Variants in DUSP29 observed in about 807,000 individuals in gnomAD.
DUSP29 encodes dual specificity phosphatase 29, also known as atypical dual-specific protein phosphatase.
A neutral mutation model predicts 13.5 loss-of-function variants in DUSP29; 12 were observed. The ratio of observed to expected loss-of-function variants is 0.89; its 90% CI spans 0.57 to 1.44. The LOEUF (loss-of-function observed/expected upper bound fraction) is 1.44. Among genes scored for constraint, DUSP29 ranks in the 40% most tolerant of loss-of-function variants. DUSP29 has a pLI of 0.00. For synonymous variants in DUSP29, 134 were observed against 128.7 expected (o/e 1.04, Z -0.28); for missense variants, 308 against 301.1 (o/e 1.02, Z -0.17).
chr10:75,066,739 G>A (rs1371958847), intron 1 of DUSP29, among the ~76,000 whole-genome samples: 1 of 152,180 alleles, frequency 6.6e-6, no homozygotes, highest in African/African-American at 2.4e-5. Flanking sequence ...GTCTGACCCT[G>A]CTCCTTACAT....
intron 3 of DUSP29, among the ~76,000 whole-genome samples, chr10:75,039,915 C>T (rs371625817): frequency 6.6e-6 from 1 of 152,146 alleles, no homozygotes; most frequent in Admixed American, 6.5e-5. Context: ...CGTGGTGGCT[C>T]ATGCCTCTAA....
At chr10:75,045,873 G>A (rs1459652696) in intron 2 of DUSP29, among the ~76,000 whole-genome samples, 1 of 152,158 alleles carries the variant, frequency 6.6e-6, no homozygotes, top group Non-Finnish European at 1.5e-5. Flanking sequence ...ACTTTGGGGA[G>A]GCCAAAGCGG....
chr10:75,066,947 T>C (rs1025837745), intron 1 of DUSP29, among the ~76,000 whole-genome samples: 1 of 117,368 alleles, frequency 8.5e-6, no homozygotes, highest in African/African-American at 4.3e-5. Flanking sequence ...TTTTTTCTTT[T>C]TTTTCTTTTT....
intron 1 of DUSP29, among the ~76,000 whole-genome samples, chr10:75,071,449 C>A (rs1411971647): frequency 6.6e-6 from 1 of 152,204 alleles, no homozygotes; most frequent in Non-Finnish European, 1.5e-5. Flanking sequence ...GCCTCAGGGC[C>A]TCCCCTAAGC....
intron 1 of DUSP29, among the ~76,000 whole-genome samples, chr10:75,071,822 C>G (rs1447201724): frequency 6.6e-6 from 1 of 152,208 alleles, no homozygotes; most frequent in African/African-American, 2.4e-5. Context: ...ACACCCCAAT[C>G]CTGTGCCTAT....
At chr10:75,064,540 G>A (rs1847155976) in intron 1 of DUSP29, among the ~76,000 whole-genome samples, 1 of 151,974 alleles carries the variant, frequency 6.6e-6, no homozygotes, top group Non-Finnish European at 1.5e-5. Context: ...AAAGTTTTTT[G>A]TAGAGATGGG....
chr10:75,054,036 T>TC (rs1438758164), intron 2 of DUSP29, among the ~76,000 whole-genome samples: 1 of 152,172 alleles, frequency 6.6e-6, no homozygotes, highest in Non-Finnish European at 1.5e-5. Context: ...GAAAGGTAAA[T>TC]ACAGTATATA....
chr10:75,063,146 GCA>G (rs1289149416), intron 1 of DUSP29, among the ~76,000 whole-genome samples: 4 of 152,214 alleles, frequency 2.6e-5, no homozygotes, highest in Non-Finnish European at 4.4e-5. Context: ...ACATCAGGGA[GCA>G]TATGCCTCCA....
At chr10:75,047,274 T>C (rs1457080875) in intron 2 of DUSP29, among the ~76,000 whole-genome samples, 1 of 152,162 alleles carries the variant, frequency 6.6e-6, no homozygotes, top group Non-Finnish European at 1.5e-5. Flanking sequence ...TGAAAGAGCA[T>C]CCACAGCAGA....
chr10:75,056,348 T>G (rs2134295089), intron 2 of DUSP29, among the ~76,000 whole-genome samples: 1 of 151,884 alleles, frequency 6.6e-6, no homozygotes, highest in Non-Finnish European at 1.5e-5. Context: ...GCCAACACAG[T>G]GAAATCCTGT....
chr10:75,038,190 G>C, intron 3 of DUSP29, 113 bp from the exon 4 acceptor site: 1 of 1,389,534 alleles, frequency 7.2e-7, no homozygotes, highest in South Asian at 1.4e-5. Context: ...AAGTGACTCA[G>C]CACTGTGCCC....
At chr10:75,073,448 G>A (rs962851848) in intron 1 of DUSP29, among the ~76,000 whole-genome samples, 121 bp downstream of exon 1, 12 of 152,192 alleles carry the variant, frequency 7.9e-5, no homozygotes, top group Admixed American at 2.0e-4. Context: ...GAAGGAGGTC[G>A]GCTATTCCCC....
Position 75,064,056 on chromosome 10 carries a change from T to G in DUSP29, c.-34-5508A>C, listed in dbSNP as rs143531554. On this transcript the variant is annotated intron_variant, in intron 1 of 3. Coordinates refer to ENST00000338487, the MANE Select transcript of DUSP29 (RefSeq NM_001003892.3). ...TAACTCAGACTCTAGTTCAGACTTT[T>G]TTTTTTTTGAGATAACGTCTCACTT... Among the ~76,000 whole-genome samples the G allele has an allele frequency of 3.5e-3, 534 of 152,144 alleles. 1 individual carries two copies. Among genetic ancestry groups the G allele is most frequent in the African/African-American group, 0.012 (513 of 41,534 alleles).
chr10:75,049,403 C>T (rs1182325357), intron 2 of DUSP29, among the ~76,000 whole-genome samples: 2 of 152,198 alleles, frequency 1.3e-5, no homozygotes, highest in Admixed American at 6.5e-5. Flanking sequence ...TGATTGGACT[C>T]GGCATTTGCC....
intron 3 of DUSP29, among the ~76,000 whole-genome samples, chr10:75,041,216 A>T (rs1051158264): frequency 6.6e-6 from 1 of 152,198 alleles, no homozygotes; most frequent in Non-Finnish European, 1.5e-5. Flanking sequence ...CTGGGTATGA[A>T]GTCTGTGGCA....
At chr10:75,043,175 C>G (rs910345771) in intron 3 of DUSP29, among the ~76,000 whole-genome samples, 5 of 152,242 alleles carry the variant, frequency 3.3e-5, no homozygotes, top group Non-Finnish European at 5.9e-5. Flanking sequence ...CCCAGCTTGT[C>G]AGCTTTCTAC....
At chr10:75,044,415 C>T (rs1846660470) in intron 2 of DUSP29, among the ~76,000 whole-genome samples, 1 of 152,152 alleles carries the variant, frequency 6.6e-6, no homozygotes, top group South Asian at 2.1e-4. Flanking sequence ...CTGCTCTGAA[C>T]CTGCTGGATG....
chr10:75,041,570 T>C (rs985639414), intron 3 of DUSP29, among the ~76,000 whole-genome samples: 7 of 152,162 alleles, frequency 4.6e-5, no homozygotes, highest in African/African-American at 1.4e-4. Flanking sequence ...TTGTTTACAC[T>C]CTGCATGGTT....
rs188499510 is a variant in DUSP29 at position 75,042,445 on chromosome 10, T to C, written c.421+1352A>G. Among the ~76,000 whole-genome samples, 3 of 152,386 alleles carry C rather than the reference T, an allele frequency of 2.0e-5. No individual in the cohort carries two copies. In the East Asian group the frequency reaches 5.8e-4, roughly 29 times the overall value. On this transcript the variant is annotated intron_variant, in intron 3 of 3. Transcript: ENST00000338487. ...ATACTATGAGGCAAATTTTACCTTG[T>C]GGTGATGACTCAGTTCAGTTGTGTT...
Sources: gnomAD v4.1 joint callset for allele counts (sites outside exome capture counted in the v4.1 genomes callset) on GRCh38, gnomAD v4.1.1 for gene constraint, MANE v1.5 for transcripts, NCBI Gene and HGNC (gene_info 2026-07-23, HGNC 2026-07-21) for gene names.